GLG1: variants seen among roughly 807,000 people sequenced by gnomAD.
The protein encoded by GLG1 is Golgi apparatus protein 1.
In GLG1, 38 loss-of-function variants were observed where a neutral mutation model predicts 160.5. That is an observed-to-expected ratio of 0.24 (90% CI 0.18 to 0.31). GLG1 has a LOEUF of 0.31. Among genes scored for constraint, GLG1 ranks in the 10% least tolerant of loss-of-function variants. The pLI, the probability that GLG1 is intolerant of heterozygous loss-of-function variation, is 1.00. For synonymous variants in GLG1, 644 were observed against 543.4 expected (o/e 1.19, Z -2.57); for missense variants, 1,373 against 1,505.2 (o/e 0.91, Z 1.45).
intron 1 of GLG1, among the ~76,000 whole-genome samples, chr16:74,541,069 T>C (rs2017851636): frequency 1.3e-5 from 2 of 152,194 alleles, no homozygotes; most frequent in Non-Finnish European, 2.9e-5. Flanking sequence ...CTCACGTCTG[T>C]AATCCCTGCA....
Position 74,480,287 on chromosome 16 carries a change from G to C in GLG1, c.1781C>G (p.Ser594Cys), listed in dbSNP as rs768813855. 1.2e-6 allele frequency: 2 copies of C among 1,613,186 alleles called. No homozygotes were observed. Among genetic ancestry groups the C allele is most frequent in the African/African-American group, 2.7e-5 (2 of 74,934 alleles). ...GCGGTAGGCGTGTCTGTATAAACAA[G>C]AGAACACAGCTCCCTGAGGCATAAA... is the stretch of plus-strand genomic sequence containing the variant. ...SEFMPQGAVF[S>C]CLYRHAYRTE... Residue 594 changes from serine (S) to cysteine (C), a missense_variant, in exon 11 of 26, where the codon TCT (serine) becomes TGT (cysteine). Ser to Cys is a moderately radical substitution (Grantham distance 112). Around this residue, in one of 4 missense-constraint regions of GLG1, gnomAD observed 386 missense variants for 388.5 expected, o/e 0.99. Transcript: ENST00000422840.
intron 1 of GLG1, among the ~76,000 whole-genome samples, chr16:74,582,391 C>T (rs1423923672): frequency 1.3e-5 from 2 of 152,014 alleles, no homozygotes; most frequent in African/African-American, 4.8e-5. Context: ...GTCTTGAACT[C>T]CTGACCTCAG....
At chr16:74,601,405 C>T (rs1004869953) in intron 1 of GLG1, among the ~76,000 whole-genome samples, 5 of 150,994 alleles carry the variant, frequency 3.3e-5, no homozygotes, top group African/African-American at 1.2e-4. Flanking sequence ...CCCGGCAAGA[C>T]CTTGTCTCTC....
Position 74,529,388 on chromosome 16 carries a change from C to T in GLG1, c.471+2733G>A, listed in dbSNP as rs555063487. Among the ~76,000 whole-genome samples the T allele has an allele frequency of 9.2e-5, 14 of 151,956 alleles. No homozygotes were observed. In the South Asian group the frequency reaches 1.7e-3, roughly 18 times the overall value. On this transcript the variant is annotated intron_variant, in intron 2 of 25. Transcript: ENST00000422840. ...GATTTTCTTAATAAAGACTAATTCTCGGTTGAAATACTTCATATTTTCATC... is the reference window on the plus strand; with the variant it reads ...GATTTTCTTAATAAAGACTAATTCTTGGTTGAAATACTTCATATTTTCATC...
At chr16:74,483,435 C>T (rs1443664196) in intron 9 of GLG1, among the ~76,000 whole-genome samples, 2 of 152,158 alleles carry the variant, frequency 1.3e-5, no homozygotes, top group African/African-American at 4.8e-5. Context: ...CTTCCCTCCC[C>T]ATAACTTTAT....
In GLG1 at chr16:74,456,475, A is replaced by G. The variant is rs764389143; in HGVS notation, c.3372+174T>C. On this transcript the variant is annotated intron_variant, in intron 25 of 25. Coordinates refer to ENST00000422840, the MANE Select transcript of GLG1 (RefSeq NM_001145667.2). ...GCGCCCGGCCCTGACCACGTTTTCA[A>G]ACGCACTTATTGCTAGTCTCACAAT... The G allele has an allele frequency of 3.4e-4, 200 of 583,944 alleles. 1 individual carries two copies. The highest frequency in any genetic ancestry group is 5.2e-4 in the Non-Finnish European group (173 of 334,286). The allele number at this position is 583,944 out of a possible 1,614,324, so 36.2% of individuals were successfully genotyped here. A position where few individuals can be genotyped will look rare whatever the true frequency, so the allele number is the denominator to read the frequency against.
At chr16:74,463,597 T>A in intron 19 of GLG1, 118 bp from the exon 20 acceptor site, 1 of 1,003,100 alleles carries the variant, frequency 1.0e-6, no homozygotes, top group Non-Finnish European at 1.5e-6. Flanking sequence ...TGGAGTGCAG[T>A]GGCGCAATTC....
chr16:74,503,731 C>G lies in GLG1; in HGVS notation c.574G>C (p.Asp192His), dbSNP rs749296601. The change falls in exon 4 of 26, where the codon GAT becomes CAT. Residue 192 changes from aspartate (D) to histidine (H), a missense_variant. By Grantham distance (81) the Asp-to-His change is moderately conservative (BLOSUM62 -1). Coordinates refer to ENST00000422840, the MANE Select transcript of GLG1 (RefSeq NM_001145667.2). ...ATGTAACCTTTTCCAACCGGTTCATCAGCACATTCTTTAATCTGCTCAAAA... is the reference window on the plus strand; with the variant it reads ...ATGTAACCTTTTCCAACCGGTTCATGAGCACATTCTTTAATCTGCTCAAAA... Reference protein sequence around the residue: ...STITEIKECADEPVGKGYMVS... With the variant: ...STITEIKECAHEPVGKGYMVS... 1 of 1,609,876 alleles carries G rather than the reference C, an allele frequency of 6.2e-7. No individual in the cohort carries two copies. Among genetic ancestry groups the G allele is most frequent in the Non-Finnish European group, 8.5e-7 (1 of 1,176,158 alleles).
intron 1 of GLG1, among the ~76,000 whole-genome samples, chr16:74,559,599 G>C (rs2018452255): frequency 6.6e-6 from 1 of 151,950 alleles, no homozygotes; most frequent in African/African-American, 2.4e-5. Flanking sequence ...TAATTTTAGA[G>C]AGTGAAATAT....
chr16:74,571,852 T>A (rs988741814), intron 1 of GLG1, among the ~76,000 whole-genome samples: 2 of 151,888 alleles, frequency 1.3e-5, no homozygotes, highest in African/African-American at 4.8e-5. Context: ...GAAAACAAAA[T>A]GAAAGTAACT....
In GLG1 at chr16:74,581,445, T is replaced by C. The variant is rs1236218269; in HGVS notation, c.438+25212A>G. Among the ~76,000 whole-genome samples, 2 of 150,438 alleles carry C rather than the reference T, an allele frequency of 1.3e-5. 1 individual carries two copies. Among genetic ancestry groups the C allele is most frequent in the Middle Eastern group, 6.4e-3 (2 of 314 alleles). ...CATGGAATACCTAGAGTAGTCAAAT[T>C]CACAGAGATAAAAAATAGAATGGTG... On this transcript the variant is annotated intron_variant, in intron 1 of 25. Coordinates refer to ENST00000422840, the MANE Select transcript of GLG1 (RefSeq NM_001145667.2).
chr16:74,606,231 T>C lies in GLG1; in HGVS notation c.438+426A>G, dbSNP rs947549629. Among the ~76,000 whole-genome samples the C allele has an allele frequency of 2.0e-5, 3 of 152,356 alleles. No individual in the cohort carries two copies. The South Asian group carries it at 6.2e-4, about 32-fold the overall frequency. On this transcript the variant is annotated intron_variant, in intron 1 of 25. Transcript: ENST00000422840. ...ACATCTACTGCTAATAAACAGATCA[T>C]TCTTTACAGCCTAAGTACGCCAGGC...
At chr16:74,493,344 AC>A (rs1467229259) in intron 6 of GLG1, among the ~76,000 whole-genome samples, 1 of 152,208 alleles carries the variant, frequency 6.6e-6, no homozygotes, top group African/African-American at 2.4e-5. Context: ...TGGGTGGGGA[AC>A]CTAGAAATTC....
At chr16:74,545,843 T>C (rs1320506874) in intron 1 of GLG1, among the ~76,000 whole-genome samples, 2 of 152,182 alleles carry the variant, frequency 1.3e-5, no homozygotes, top group African/African-American at 4.8e-5. Flanking sequence ...TCAATATAAT[T>C]CTCTCATCAC....
chr16:74,486,938 G>A (rs932353607), intron 8 of GLG1, among the ~76,000 whole-genome samples: 2 of 147,628 alleles, frequency 1.4e-5, no homozygotes, highest in African/African-American at 2.5e-5. Context: ...CCCCGAGACA[G>A]AGTTTCGCTC....
chr16:74,550,967 C>T lies in GLG1; in HGVS notation c.439-18814G>A, dbSNP rs540097316. 3.5e-4 allele frequency among the ~76,000 whole-genome samples: 54 copies of T among 152,258 alleles called. No homozygotes were observed. In the East Asian group the frequency reaches 8.9e-3, roughly 25 times the overall value. ...CCTCCAGCCTATCAAATAAGCTGATCTAATGTCTGAAGTTAGAGCAACCCT... is the reference window on the plus strand; with the variant it reads ...CCTCCAGCCTATCAAATAAGCTGATTTAATGTCTGAAGTTAGAGCAACCCT... On this transcript the variant is annotated intron_variant, in intron 1 of 25. Transcript: ENST00000422840.
At chr16:74,564,773 A>G (rs1040237058) in intron 1 of GLG1, among the ~76,000 whole-genome samples, 3 of 152,198 alleles carry the variant, frequency 2.0e-5, no homozygotes, top group Non-Finnish European at 4.4e-5. Flanking sequence ...AACCTAAATG[A>G]AGTCACTCAT....
At chr16:74,455,224 GCAC>G (rs2014488293) in intron 25 of GLG1, among the ~76,000 whole-genome samples, 1 of 152,182 alleles carries the variant, frequency 6.6e-6, no homozygotes, top group Non-Finnish European at 1.5e-5. Context: ...GTCCCCAGGT[GCAC>G]ATGTCCCCAT....
At chr16:74,524,215 A>G (rs1399799071) in intron 2 of GLG1, among the ~76,000 whole-genome samples, 2 of 151,948 alleles carry the variant, frequency 1.3e-5, no homozygotes, top group African/African-American at 4.8e-5. Context: ...TCTCAAAACA[A>G]AAAAAAAGAA....
Sources: allele counts gnomAD v4.1 joint callset (sites outside exome capture counted in the v4.1 genomes callset), GRCh38; gene constraint gnomAD v4.1.1; regional missense constraint gnomAD v4.1.1; transcripts MANE v1.5; gene names NCBI Gene and HGNC (gene_info 2026-07-23, HGNC 2026-07-21).